Variants in TAOK1 observed in about 807,000 individuals in gnomAD.
TAOK1 encodes the protein serine/threonine-protein kinase TAO1.
Under a neutral mutation model 138.3 loss-of-function variants are expected in TAOK1, and 21 were observed. The ratio of observed to expected loss-of-function variants is 0.15; its 90% confidence interval spans 0.11 to 0.22. The LOEUF is 0.22. TAOK1 is among the 10% of genes least tolerant of loss of function. The pLI is 1.00. For synonymous variants in TAOK1, 361 were observed against 398.4 expected (o/e 0.91, Z 1.12); for missense variants, 651 against 1,227.7 (o/e 0.53, Z 7.02).
At chr17:29,465,511 T>TA (rs1281274029) in intron 2 of TAOK1, among the ~76,000 whole-genome samples, 6 of 151,244 alleles carry the variant, frequency 4.0e-5, no homozygotes, top group East Asian at 3.9e-4. Flanking sequence ...TGTCCTTTTT[T>TA]TAAAAAAAAA....
chr17:29,530,714 G>C (rs2032086408), intron 18 of TAOK1, 95 bp downstream of exon 18: 1 of 1,026,742 alleles, frequency 9.7e-7, no homozygotes, highest in South Asian at 1.4e-5. Context: ...AGTTGGAAAT[G>C]ATAGCTCTCC....
chr17:29,526,248 C>T (rs2032007575), intron 17 of TAOK1, among the ~76,000 whole-genome samples: 1 of 151,812 alleles, frequency 6.6e-6, no homozygotes, highest in Non-Finnish European at 1.5e-5. Flanking sequence ...TCGCGCCATT[C>T]CACTCCAGCC....
chr17:29,471,341 G>T (rs1157114636), intron 3 of TAOK1, among the ~76,000 whole-genome samples: 11 of 126,000 alleles, frequency 8.7e-5, no homozygotes, highest in African/African-American at 3.5e-4. Context: ...GTGCAGTGGC[G>T]CAATCTTGGT....
chr17:29,471,183 T>C (rs1197596507), intron 3 of TAOK1, among the ~76,000 whole-genome samples: 1 of 151,164 alleles, frequency 6.6e-6, no homozygotes, highest in East Asian at 1.9e-4. Flanking sequence ...TATATGTCCA[T>C]GCTATACTGT....
intron 19 of TAOK1, among the ~76,000 whole-genome samples, chr17:29,541,850 T>TCTTTTTATTTTTTTATTTTATTTTA (rs2032323228): frequency 6.6e-6 from 1 of 152,084 alleles, no homozygotes; most frequent in African/African-American, 2.4e-5. Flanking sequence ...AAGGGACATC[T>TCTTTTTATTTTTTTATTTTATTTTA]CTTTTTATTT....
intron 1 of TAOK1, among the ~76,000 whole-genome samples, chr17:29,432,339 G>A (rs188061724): frequency 8.5e-5 from 13 of 152,332 alleles, no homozygotes; most frequent in Admixed American, 3.3e-4. Context: ...GCTTAGGACC[G>A]CCTTAAGCAG....
At chr17:29,415,850 T>C (rs1030656080) in intron 1 of TAOK1, among the ~76,000 whole-genome samples, 22 of 152,252 alleles carry the variant, frequency 1.4e-4, no homozygotes, top group Admixed American at 3.3e-4. Flanking sequence ...TCTACCATTA[T>C]GTACAGTTAT....
chr17:29,494,909 A>G (rs2031382939), intron 10 of TAOK1, among the ~76,000 whole-genome samples: 2 of 152,076 alleles, frequency 1.3e-5, no homozygotes, highest in Admixed American at 6.5e-5. Flanking sequence ...TGGAATTTAC[A>G]TGCTAACTAT....
intron 18 of TAOK1, among the ~76,000 whole-genome samples, chr17:29,532,391 C>A (rs1399056078): frequency 1.4e-5 from 2 of 147,166 alleles, no homozygotes; most frequent in Non-Finnish European, 3.0e-5. Flanking sequence ...GTGTTTCTCG[C>A]AGAGGGGGAT....
chr17:29,505,648 G>GCCC (rs1311854609), intron 13 of TAOK1, among the ~76,000 whole-genome samples: 2 of 152,118 alleles, frequency 1.3e-5, no homozygotes, highest in Non-Finnish European at 1.5e-5. Flanking sequence ...GTTGCAGTGA[G>GCCC]CTGAGATTGC....
In TAOK1 at chr17:29,424,468, A is replaced by G. The variant is rs537243780; in HGVS notation, c.-94-26987A>G. On this transcript the variant is annotated intron_variant, in intron 1 of 19. Coordinates refer to ENST00000261716, the MANE Select transcript of TAOK1 (RefSeq NM_020791.4). ...AAAAAAAAAAAAAAAAGACAAATAG[A>G]GACACGGTAACATTTGCTAAGGAAA... 5.2e-3 allele frequency among the ~76,000 whole-genome samples: 776 copies of G among 150,624 alleles called. 10 individuals are homozygous for G. Among genetic ancestry groups the G allele is most frequent in the Non-Finnish European group, 8.1e-3 (551 of 67,666 alleles).
At chr17:29,534,875 T>C (rs1483764955) in intron 19 of TAOK1, among the ~76,000 whole-genome samples, 2 of 152,128 alleles carry the variant, frequency 1.3e-5, no homozygotes, top group Non-Finnish European at 2.9e-5. Context: ...TCTTGTCAGA[T>C]ATATTGGAAA....
intron 1 of TAOK1, among the ~76,000 whole-genome samples, chr17:29,420,573 AAT>A (rs1337484337): frequency 1.4e-5 from 2 of 146,094 alleles, no homozygotes; most frequent in African/African-American, 2.5e-5. Flanking sequence ...TTATGAGGAA[AAT>A]ACTTAATCTG....
At chr17:29,504,726 T>C (rs1487805206) in intron 13 of TAOK1, among the ~76,000 whole-genome samples, 1 of 152,076 alleles carries the variant, frequency 6.6e-6, no homozygotes, top group African/African-American at 2.4e-5. Flanking sequence ...AAAGATATGA[T>C]AGCTATCTGA....
intron 12 of TAOK1, among the ~76,000 whole-genome samples, chr17:29,500,306 CTG>C (rs1191846109): frequency 6.6e-6 from 1 of 152,000 alleles, no homozygotes; most frequent in Non-Finnish European, 1.5e-5. Context: ...TAGAGTGAGA[CTG>C]TATCTCAAAA....
intron 1 of TAOK1, among the ~76,000 whole-genome samples, chr17:29,417,375 A>T (rs1004099875): frequency 1.3e-5 from 2 of 152,056 alleles, no homozygotes; most frequent in African/African-American, 4.8e-5. Flanking sequence ...TTAATTCCTT[A>T]TGTATTCAGG....
At chr17:29,517,725 C>A in intron 16 of TAOK1, 69 bp downstream of exon 16, 1 of 1,448,454 alleles carries the variant, frequency 6.9e-7, no homozygotes, top group South Asian at 1.3e-5. Flanking sequence ...ATTCCAATTC[C>A]ATTCTAGTCT....
At chr17:29,525,760 CT>C (rs1237759717) in intron 17 of TAOK1, among the ~76,000 whole-genome samples, 1 of 152,176 alleles carries the variant, frequency 6.6e-6, no homozygotes, top group Non-Finnish European at 1.5e-5. Flanking sequence ...AATCCCAGCA[CT>C]TTGGAAGGCC....
intron 1 of TAOK1, among the ~76,000 whole-genome samples, chr17:29,417,368 ATTCC>A (rs1459696618): frequency 6.6e-6 from 1 of 152,004 alleles, no homozygotes; most frequent in Non-Finnish European, 1.5e-5. Context: ...TTAGTTTTTA[ATTCC>A]TTATGTATTC....
Sources: allele counts gnomAD v4.1 joint callset (sites outside exome capture counted in the v4.1 genomes callset), GRCh38; gene constraint gnomAD v4.1.1; transcripts MANE v1.5; gene names NCBI Gene and HGNC (gene_info 2026-07-23, HGNC 2026-07-21).